Variants in ASIC2 observed in about 807,000 individuals in gnomAD.
The protein encoded by ASIC2 is acid sensing ion channel subunit 2.
ASIC2 carries 25 observed loss-of-function variants against 57.3 expected under a neutral mutation model. That is an observed-to-expected ratio of 0.44 (90% CI 0.32 to 0.61). The LOEUF (loss-of-function observed/expected upper bound fraction) is 0.61, where lower values mean the gene tolerates loss of function less well. ASIC2 is among the 20% of genes least tolerant of loss of function. The probability of loss-of-function intolerance (pLI) is 0.06; values close to 1 mark genes in which losing one functional copy is unlikely to be tolerated. For missense variants in ASIC2, 641 were observed against 738.1 expected (o/e 0.87, Z 1.52); for synonymous variants, 319 against 307.5 (o/e 1.04, Z -0.39).
intron 1 of ASIC2, chr17:33,954,924 G>A (rs1904687240): frequency 2.0e-5 from 3 of 152,296 alleles, no homozygotes; most frequent in African/African-American, 7.2e-5. Context: ...AGACTGAAAT[G>A]TTCTTCTGTG....
intron 1 of ASIC2, among the ~76,000 whole-genome samples, chr17:33,903,148 A>G (rs1332662540): frequency 6.6e-6 from 1 of 152,144 alleles, no homozygotes; most frequent in African/African-American, 2.4e-5. Context: ...CAGCAGCCAT[A>G]AAAATCATCT....
At chr17:33,161,064 C>T (rs1402909501) in intron 1 of ASIC2, among the ~76,000 whole-genome samples, 1 of 152,152 alleles carries the variant, frequency 6.6e-6, no homozygotes, top group Non-Finnish European at 1.5e-5. Context: ...GCTTAGAATA[C>T]AATCACCATT....
intron 1 of ASIC2, among the ~76,000 whole-genome samples, chr17:34,127,214 A>T (rs1260305048): frequency 1.3e-5 from 2 of 152,208 alleles, no homozygotes; most frequent in Non-Finnish European, 2.9e-5. Context: ...CAGTATGAGC[A>T]TCGGGGCTTT....
intron 1 of ASIC2, among the ~76,000 whole-genome samples, chr17:33,889,934 T>C (rs751650876): frequency 1.9e-4 from 29 of 152,282 alleles, no homozygotes; most frequent in Non-Finnish European, 4.1e-4. Flanking sequence ...AAGCGTTATG[T>C]TCCAAGATAA....
At chr17:33,184,878 A>C (rs1232168586) in intron 1 of ASIC2, among the ~76,000 whole-genome samples, 1 of 152,202 alleles carries the variant, frequency 6.6e-6, no homozygotes, top group African/African-American at 2.4e-5. Flanking sequence ...TTTATATGGA[A>C]TTTGGCATCA....
intron 1 of ASIC2, among the ~76,000 whole-genome samples, chr17:33,920,115 T>C (rs563294696): frequency 1.2e-4 from 18 of 152,336 alleles, no homozygotes; most frequent in African/African-American, 4.3e-4. Flanking sequence ...AGTTTGGAGA[T>C]GTCTCAAAGA....
chr17:33,578,649 T>C (rs1451460874), intron 1 of ASIC2, among the ~76,000 whole-genome samples: 3 of 152,026 alleles, frequency 2.0e-5, no homozygotes, highest in Non-Finnish European at 4.4e-5. Flanking sequence ...TTAGACTCCA[T>C]CTCTCCCCTT....
At chr17:33,109,403 T>C (rs901680752) in intron 2 of ASIC2, among the ~76,000 whole-genome samples, 3 of 152,308 alleles carry the variant, frequency 2.0e-5, no homozygotes, top group African/African-American at 7.2e-5. Flanking sequence ...TTCTCTAACC[T>C]GTTTCTTCTG....
chr17:33,990,401 T>G (rs12948884), intron 1 of ASIC2, among the ~76,000 whole-genome samples: 6,385 of 152,218 alleles, frequency 0.042, 429 homozygotes, highest in African/African-American at 0.15. Flanking sequence ...TGGGATCGAG[T>G]CTTGGAGTTG....
chr17:33,674,958 A>G (rs573219399), intron 1 of ASIC2, among the ~76,000 whole-genome samples: 1 of 152,342 alleles, frequency 6.6e-6, no homozygotes, highest in East Asian at 1.9e-4. Context: ...TGACAATCTC[A>G]TCAATGAAAA....
At chr17:33,773,447 C>T (rs867276317) in intron 1 of ASIC2, among the ~76,000 whole-genome samples, 29 of 152,134 alleles carry the variant, frequency 1.9e-4, no homozygotes, top group African/African-American at 5.5e-4. Context: ...CCATATGTGG[C>T]GGGGCAGGTT....
chr17:33,891,581 C>A (rs1294698245), intron 1 of ASIC2, among the ~76,000 whole-genome samples: 1 of 152,132 alleles, frequency 6.6e-6, no homozygotes, highest in African/African-American at 2.4e-5. Context: ...TTTGAGCAGT[C>A]ACTTTAGGTT....
At chr17:33,541,536 C>T (rs1459170460) in intron 1 of ASIC2, among the ~76,000 whole-genome samples, 1 of 152,170 alleles carries the variant, frequency 6.6e-6, no homozygotes, top group East Asian at 1.9e-4. Flanking sequence ...GGAGCAGGGA[C>T]TCACCTGAGC....
Position 33,905,489 on chromosome 17 carries a change from C to T in ASIC2, c.555+250489G>A, listed in dbSNP as rs77336043. ...ATCATAGCTTGTCCTCTGCTGCTGG[C>T]TTCAGAGGCATGTGCTGACATAGAT... On this transcript the variant is annotated intron_variant, in intron 1 of 9. Transcript: ENST00000359872. Among the ~76,000 whole-genome samples the T allele has an allele frequency of 2.4e-3, 366 of 152,334 alleles. 3 individuals carry two copies. Among genetic ancestry groups the T allele is most frequent in the African/African-American group, 8.2e-3 (340 of 41,568 alleles).
At chr17:33,896,008 TA>T (rs61657913) in intron 1 of ASIC2, among the ~76,000 whole-genome samples, 23,681 of 151,542 alleles carry the variant, frequency 0.16, 1,890 homozygotes, top group South Asian at 0.2. Context: ...TAAATGAGAT[TA>T]AAAAAAAATG....
At chr17:33,673,222 G>A (rs1197659307) in intron 1 of ASIC2, among the ~76,000 whole-genome samples, 4 of 152,138 alleles carry the variant, frequency 2.6e-5, no homozygotes, top group African/African-American at 9.7e-5. Flanking sequence ...ACAGGCCTCA[G>A]GGAAGAGTGA....
At chr17:33,499,957 G>A (rs1485289016) in intron 1 of ASIC2, among the ~76,000 whole-genome samples, 4 of 152,122 alleles carry the variant, frequency 2.6e-5, no homozygotes, top group Non-Finnish European at 5.9e-5. Flanking sequence ...AGTCATAGAA[G>A]CCAACAAGTT....
intron 1 of ASIC2, among the ~76,000 whole-genome samples, chr17:33,396,343 A>G (rs1004580106): frequency 6.6e-6 from 1 of 152,226 alleles, no homozygotes; most frequent in Non-Finnish European, 1.5e-5. Flanking sequence ...CACAATAGAG[A>G]CAAGGATCAA....
chr17:33,369,840 C>T (rs1908974582), intron 1 of ASIC2, among the ~76,000 whole-genome samples: 2 of 152,128 alleles, frequency 1.3e-5, no homozygotes, highest in Non-Finnish European at 2.9e-5. Flanking sequence ...TGATCCATTT[C>T]GAGAGCATAT....
Sources: gnomAD v4.1 joint callset for allele counts (sites outside exome capture counted in the v4.1 genomes callset) on GRCh38, gnomAD v4.1.1 for gene constraint, MANE v1.5 for transcripts, NCBI Gene and HGNC (gene_info 2026-07-23, HGNC 2026-07-21) for gene names.